Variants in KIAA0825 observed in about 807,000 individuals in gnomAD.
The protein encoded by KIAA0825 is uncharacterized protein KIAA0825.
A neutral mutation model predicts 147.6 loss-of-function variants in KIAA0825; 119 were observed. The ratio of observed to expected loss-of-function variants is 0.81; its 90% CI spans 0.69 to 0.94. The LOEUF (loss-of-function observed/expected upper bound fraction) is 0.94. Ranked by LOEUF, KIAA0825 falls within the 40% of genes least tolerant of loss-of-function variation. The probability of loss-of-function intolerance (pLI) is 0.00; values close to 1 mark genes in which losing one functional copy is unlikely to be tolerated. For missense variants in KIAA0825, 1,381 were observed against 1,472.7 expected (o/e 0.94, Z 1.02); for synonymous variants, 470 against 518.1 (o/e 0.91, Z 1.26).
chr5:94,384,325 C>T, intron 20 of KIAA0825, 43 bp downstream of exon 20: 2 of 1,427,172 alleles, frequency 1.4e-6, no homozygotes, highest in Non-Finnish European at 9.7e-7. Flanking sequence ...ACACACACAA[C>T]CTTGTCCCTC....
chr5:94,429,318 C>G (rs1755329962), intron 14 of KIAA0825, among the ~76,000 whole-genome samples: 1 of 151,912 alleles, frequency 6.6e-6, no homozygotes. Context: ...GAGATGTTGG[C>G]ATTTCTAATT....
intron 20 of KIAA0825, among the ~76,000 whole-genome samples, chr5:94,265,404 C>T (rs1776698827): frequency 2.0e-5 from 3 of 152,116 alleles, no homozygotes; most frequent in Admixed American, 2.0e-4. Flanking sequence ...AAATTTGCAC[C>T]AATGGTAAGT....
chr5:94,556,506 G>C (rs1269016474), intron 2 of KIAA0825, among the ~76,000 whole-genome samples: 1 of 152,144 alleles, frequency 6.6e-6, no homozygotes. Context: ...AGTTCCAAGA[G>C]TTTAAAAATT....
chr5:94,239,309 C>G (rs1271738728), intron 20 of KIAA0825, among the ~76,000 whole-genome samples: 1 of 152,078 alleles, frequency 6.6e-6, no homozygotes, highest in Non-Finnish European at 1.5e-5. Flanking sequence ...ACACAGGTGT[C>G]AATAAATATG....
chr5:94,458,168 G>A lies in KIAA0825; in HGVS notation c.2246+4219C>T, dbSNP rs764540859. ...AGTAGCTACTTCACTTTCAAAAACC[G>A]GCATTATACCTGAGACTACAAGTTG... On this transcript the variant is annotated intron_variant, in intron 12 of 20. Transcript: ENST00000682413. 6.6e-5 allele frequency among the ~76,000 whole-genome samples: 10 copies of A among 152,142 alleles called. No individual in the cohort carries two copies. In the Middle Eastern group the frequency reaches 0.01, roughly 155 times the overall value.
chr5:94,239,937 C>T (rs1395674627), intron 20 of KIAA0825, among the ~76,000 whole-genome samples: 1 of 152,104 alleles, frequency 6.6e-6, no homozygotes. Context: ...TAAAAGCTCA[C>T]AAGTGATGAT....
chr5:94,484,963 T>C, intron 5 of KIAA0825, 33 bp from the exon 6 acceptor site: 1 of 1,357,366 alleles, frequency 7.4e-7, no homozygotes, highest in Non-Finnish European at 9.8e-7. Flanking sequence ...CTGTCATACA[T>C]TTTATTTACC....
chr5:94,394,468 G>A (rs1212884249), intron 17 of KIAA0825, among the ~76,000 whole-genome samples: 1 of 152,022 alleles, frequency 6.6e-6, no homozygotes, highest in African/African-American at 2.4e-5. Flanking sequence ...ATATTAGCTC[G>A]ACAACTCCCC....
intron 20 of KIAA0825, among the ~76,000 whole-genome samples, chr5:94,344,809 G>A (rs149314723): frequency 1.7e-3 from 262 of 152,296 alleles, no homozygotes; most frequent in African/African-American, 5.9e-3. Flanking sequence ...AATATGCCCA[G>A]TCACAGAAGG....
intron 4 of KIAA0825, 91 bp downstream of exon 4, chr5:94,523,839 C>A: frequency 1.2e-6 from 1 of 824,528 alleles, no homozygotes; most frequent in Non-Finnish European, 1.8e-6. Flanking sequence ...CTAATATGGT[C>A]ACTCAAATAA....
chr5:94,289,866 G>T (rs997975616), intron 20 of KIAA0825, among the ~76,000 whole-genome samples: 1 of 151,534 alleles, frequency 6.6e-6, no homozygotes, highest in South Asian at 2.1e-4. Flanking sequence ...ATGGCAAGAT[G>T]TCATCTCTAC....
At chr5:94,216,140 C>T (rs981481529) in intron 20 of KIAA0825, among the ~76,000 whole-genome samples, 1 of 152,130 alleles carries the variant, frequency 6.6e-6, no homozygotes, top group Non-Finnish European at 1.5e-5. Context: ...ACAACACCCC[C>T]AACACATCAC....
At chr5:94,536,643 T>C (rs1772084313) in intron 3 of KIAA0825, among the ~76,000 whole-genome samples, 1 of 152,186 alleles carries the variant, frequency 6.6e-6, no homozygotes, top group Non-Finnish European at 1.5e-5. Context: ...AATAATTTAT[T>C]TTAATGTTCT....
chr5:94,406,499 A>G (rs1331957259), intron 15 of KIAA0825, among the ~76,000 whole-genome samples: 1 of 152,246 alleles, frequency 6.6e-6, no homozygotes, highest in Admixed American at 6.5e-5. Flanking sequence ...TTCTTTAAAA[A>G]TAGACAAGTG....
rs1358004202 is a variant in KIAA0825, at chr5:94,496,627, T to A, written c.971-11697A>T. ...GTGGCAGATGAACCTAAATGTGTGT[T>A]CTGAGCTAGGTGGAATGTCTGCCAC... On this transcript the variant is annotated intron_variant, in intron 5 of 20. Coordinates refer to ENST00000682413, the MANE Select transcript of KIAA0825 (RefSeq NM_001145678.3). Among the ~76,000 whole-genome samples, 6 of 152,154 alleles carry A rather than the reference T, an allele frequency of 3.9e-5. No homozygotes were observed. In the South Asian group the frequency reaches 1.2e-3, roughly 32 times the overall value.
intron 15 of KIAA0825, chr5:94,412,836 C>A (rs1322819602): frequency 6.6e-6 from 1 of 152,110 alleles, no homozygotes; most frequent in East Asian, 1.9e-4. Context: ...GGTCGACTTA[C>A]ATGCAGACTT....
At chr5:94,530,171 T>C (rs571374318) in intron 3 of KIAA0825, among the ~76,000 whole-genome samples, 1 of 137,304 alleles carries the variant, frequency 7.3e-6, no homozygotes, top group South Asian at 2.3e-4. Context: ...CTTGGGAGGC[T>C]GGGGCAGAAG....
intron 20 of KIAA0825, among the ~76,000 whole-genome samples, chr5:94,272,636 A>T (rs1164167256): frequency 1.3e-5 from 2 of 152,188 alleles, no homozygotes; most frequent in Non-Finnish European, 2.9e-5. Flanking sequence ...CTCCAACCTA[A>T]TAATTTACTC....
chr5:94,386,350 G>C lies in KIAA0825; in HGVS notation c.3511C>G (p.Pro1171Ala), dbSNP rs1749140862. 3.2e-6 allele frequency: 5 copies of C among 1,551,608 alleles called. No individual in the cohort carries two copies. The highest frequency in any genetic ancestry group is 4.4e-6 in the Non-Finnish European group (5 of 1,146,792). ...AAGGTCGTCTTTAAAGGTCGGATGG[G>C]TAATGGCTTTTCCTCTGAACTATTC... ...SMNSSEEKPL[P>A]IRPLKTTLRS... The change falls in exon 19 of 21, where the codon CCC becomes GCC. Residue 1171 changes from proline (P) to alanine (A), a missense_variant. Transcript: ENST00000682413.
Sources: allele counts gnomAD v4.1 joint callset (sites outside exome capture counted in the v4.1 genomes callset), GRCh38; gene constraint gnomAD v4.1.1; transcripts MANE v1.5; gene names NCBI Gene and HGNC (gene_info 2026-07-23, HGNC 2026-07-21).